The following TASP1 variants were observed in gnomAD, a reference collection of about 807,000 sequenced individuals.
TASP1 encodes the protein threonine aspartase 1.
In TASP1, 16 loss-of-function variants were observed where a neutral mutation model predicts 56.6. The observed-to-expected ratio is 0.28, with a 90% CI of 0.19 to 0.43. TASP1 has a LOEUF of 0.43. TASP1 is among the 20% of genes least tolerant of loss of function. The probability of loss-of-function intolerance (pLI) is 1.00; values close to 1 mark genes in which losing one functional copy is unlikely to be tolerated. For missense variants in TASP1, 393 were observed against 511.6 expected, an observed-to-expected ratio of 0.77 and a Z score of 2.24; for synonymous variants, 179 against 184.2, an observed-to-expected ratio of 0.97 and a Z score of 0.23.
intron 13 of TASP1, among the ~76,000 whole-genome samples, chr20:13,411,478 T>C (rs2042092096): frequency 6.6e-6 from 1 of 152,230 alleles, no homozygotes; most frequent in Non-Finnish European, 1.5e-5. Context: ...TTTTGTAGCC[T>C]TCCTAGTACA....
chr20:13,196,998 A>G, the TASP1 span, among the ~76,000 whole-genome samples: 1 of 152,322 alleles, frequency 6.6e-6, no homozygotes, highest in Admixed American at 6.5e-5. Flanking sequence ...TACTTGATGA[A>G]ATAAATAGAT....
intron 10 of TASP1, among the ~76,000 whole-genome samples, chr20:13,500,459 G>C (rs2043904561): frequency 6.6e-6 from 1 of 151,388 alleles, no homozygotes; most frequent in Non-Finnish European, 1.5e-5. Flanking sequence ...ACAGGCAACA[G>C]AAGTAGACTA....
the TASP1 span, among the ~76,000 whole-genome samples, chr20:13,206,744 A>C: frequency 6.6e-6 from 1 of 152,156 alleles, no homozygotes; most frequent in Non-Finnish European, 1.5e-5. Flanking sequence ...GATTTCAGGA[A>C]TCAGTTCTAG....
the TASP1 span, chr20:13,238,154 G>A: frequency 2.0e-5 from 3 of 152,268 alleles, no homozygotes; most frequent in South Asian, 4.2e-4. Context: ...ACTGTGAGGT[G>A]GACATTCCAT....
intron 12 of TASP1, among the ~76,000 whole-genome samples, chr20:13,431,894 T>C (rs2033094877): frequency 6.6e-6 from 1 of 152,180 alleles, no homozygotes; most frequent in Non-Finnish European, 1.5e-5. Context: ...AGTGTGCCCC[T>C]ATGGGACTCT....
At chr20:13,245,140 A>G in the TASP1 span, 7 of 152,310 alleles carry the variant, frequency 4.6e-5, no homozygotes, top group African/African-American at 1.7e-4. Context: ...CTATTGCTGT[A>G]TAACAAATTA....
intron 10 of TASP1, among the ~76,000 whole-genome samples, chr20:13,490,300 T>C (rs2043477597): frequency 6.6e-6 from 1 of 152,166 alleles, no homozygotes; most frequent in African/African-American, 2.4e-5. Context: ...GAGTCCTGCA[T>C]ATTTTAAAAC....
chr20:13,583,238 A>G (rs2047186802), intron 5 of TASP1, among the ~76,000 whole-genome samples: 1 of 152,046 alleles, frequency 6.6e-6, no homozygotes, highest in Non-Finnish European at 1.5e-5. Context: ...CAGCATCTTG[A>G]CCTCTGTGTG....
At chr20:13,116,951 C>T in the TASP1 span, among the ~76,000 whole-genome samples, 15 of 152,344 alleles carry the variant, frequency 9.8e-5, no homozygotes, top group Admixed American at 9.8e-4. Context: ...ACACCTCGGT[C>T]TTTGACTTGA....
At chr20:13,254,350 T>C in the TASP1 span, among the ~76,000 whole-genome samples, 2 of 152,144 alleles carry the variant, frequency 1.3e-5, no homozygotes, top group East Asian at 3.8e-4. Context: ...TATAAACAGA[T>C]GTATATACAA....
intron 8 of TASP1, among the ~76,000 whole-genome samples, chr20:13,546,880 A>C (rs1186936412): frequency 6.6e-6 from 1 of 152,196 alleles, no homozygotes; most frequent in Non-Finnish European, 1.5e-5. Flanking sequence ...ATTTGGTAAT[A>C]CTTCAGATAA....
At chr20:13,164,975 TC>T in the TASP1 span, 1 of 909,736 alleles carries the variant, frequency 1.1e-6, no homozygotes, top group Non-Finnish European at 1.6e-6. Context: ...CAATTTTGGT[TC>T]CCAGACCAGC....
At chr20:13,150,096 A>G in the TASP1 span, among the ~76,000 whole-genome samples, 1 of 152,146 alleles carries the variant, frequency 6.6e-6, no homozygotes, top group Non-Finnish European at 1.5e-5. Flanking sequence ...GTGTGCCTTG[A>G]TTTCCATCAC....
At chr20:13,566,798 C>T (rs369700778) in intron 7 of TASP1, among the ~76,000 whole-genome samples, 30 of 152,116 alleles carry the variant, frequency 2.0e-4, no homozygotes, top group African/African-American at 6.3e-4. Flanking sequence ...GGTGAGGTTG[C>T]GGAGAAAAAG....
the TASP1 span, among the ~76,000 whole-genome samples, chr20:13,217,929 TCACC>T: frequency 6.6e-6 from 1 of 152,190 alleles, no homozygotes; most frequent in African/African-American, 2.4e-5. Context: ...TGAGTTCCTT[TCACC>T]TCAGAGTCCT....
At chr20:13,622,086 A>G (rs1041149528) in intron 4 of TASP1, among the ~76,000 whole-genome samples, 1 of 152,216 alleles carries the variant, frequency 6.6e-6, no homozygotes, top group African/African-American at 2.4e-5. Context: ...TAGTTGCCAT[A>G]AATATTCATC....
At chr20:13,417,361 A>T (rs1045454382) in intron 13 of TASP1, 87 bp downstream of exon 13, 7 of 1,459,326 alleles carry the variant, frequency 4.8e-6, no homozygotes, top group Non-Finnish European at 6.6e-6. Context: ...AAAAAGCTGA[A>T]AAAATTCATC....
At chr20:13,283,899 G>C in the TASP1 span, among the ~76,000 whole-genome samples, 6 of 152,168 alleles carry the variant, frequency 3.9e-5, no homozygotes, top group South Asian at 1.0e-3. Flanking sequence ...TTATGGCCAC[G>C]TAAGAGCGTA....
the TASP1 span, among the ~76,000 whole-genome samples, chr20:13,382,504 G>A: frequency 3.3e-5 from 5 of 152,036 alleles, no homozygotes; most frequent in Non-Finnish European, 5.9e-5. Flanking sequence ...AAATTATCTG[G>A]GTATCATGGT....
Sources: gnomAD v4.1 joint callset for allele counts (sites outside exome capture counted in the v4.1 genomes callset) on GRCh38, gnomAD v4.1.1 for gene constraint, MANE v1.5 for transcripts, NCBI Gene and HGNC (gene_info 2026-07-23, HGNC 2026-07-21) for gene names.